NXPH1: variants seen among roughly 807,000 people sequenced by gnomAD.
NXPH1 encodes neurexophilin 1, also known as neurexophilin-1.
NXPH1 carries 5 observed loss-of-function variants against 23.7 expected under a neutral mutation model. That is an observed-to-expected ratio of 0.21 (90% CI 0.11 to 0.44). NXPH1 has a LOEUF of 0.44. Ranked by LOEUF, NXPH1 falls within the 20% of genes least tolerant of loss-of-function variation. The pLI, the probability that NXPH1 is intolerant of heterozygous loss-of-function variation, is 0.99. For synonymous variants in NXPH1, 144 were observed against 122.2 expected (o/e 1.18, Z -1.18); for missense variants, 324 against 321.6 (o/e 1.01, Z -0.06).
In NXPH1 at chr7:8,528,847, T is replaced by G. The variant is rs531008927; in HGVS notation, c.54+93080T>G. On this transcript the variant is annotated intron_variant, in intron 2 of 2. Transcript: ENST00000405863. ...TTTTCTATTGCTCTAATAACAAATTTCCACAAATTTAGCAGTTTAAAACAA... is the reference window on the plus strand; with the variant it reads ...TTTTCTATTGCTCTAATAACAAATTGCCACAAATTTAGCAGTTTAAAACAA... Among the ~76,000 whole-genome samples the G allele has an allele frequency of 3.3e-5, 5 of 152,336 alleles. No homozygotes were observed. The South Asian group carries it at 8.3e-4, about 25-fold the overall frequency.
intron 2 of NXPH1, among the ~76,000 whole-genome samples, chr7:8,621,362 T>G (rs1819865450): frequency 6.6e-6 from 1 of 152,176 alleles, no homozygotes. Flanking sequence ...CAAGATGGGT[T>G]GCAGCAGAGG....
At chr7:8,468,383 AT>A (rs1016755175) in intron 2 of NXPH1, among the ~76,000 whole-genome samples, 1 of 152,082 alleles carries the variant, frequency 6.6e-6, no homozygotes, top group African/African-American at 2.4e-5. Flanking sequence ...ATCTTGAAAA[AT>A]GTCTTCTTTG....
intron 2 of NXPH1, among the ~76,000 whole-genome samples, chr7:8,534,180 C>T (rs1276329368): frequency 6.6e-6 from 1 of 152,016 alleles, no homozygotes; most frequent in Non-Finnish European, 1.5e-5. Context: ...TTGTTTATCA[C>T]TTGACATAGT....
intron 2 of NXPH1, among the ~76,000 whole-genome samples, chr7:8,617,707 A>G (rs967230847): frequency 6.6e-6 from 1 of 152,172 alleles, no homozygotes; most frequent in Non-Finnish European, 1.5e-5. Flanking sequence ...AAATAGAAAG[A>G]ACAAATAAAA....
chr7:8,468,952 A>AT (rs1460612300), intron 2 of NXPH1, among the ~76,000 whole-genome samples: 1 of 152,118 alleles, frequency 6.6e-6, no homozygotes, highest in East Asian at 1.9e-4. Context: ...TTTATCTGTG[A>AT]TTTTGAGACC....
intron 2 of NXPH1, among the ~76,000 whole-genome samples, chr7:8,657,924 G>T (rs1183905126): frequency 6.6e-6 from 1 of 152,070 alleles, no homozygotes; most frequent in African/African-American, 2.4e-5. Context: ...GCTACTCGGG[G>T]GGCTGAAGTA....
intron 2 of NXPH1, among the ~76,000 whole-genome samples, chr7:8,458,806 G>A (rs1300908888): frequency 3.9e-5 from 6 of 152,190 alleles, no homozygotes; most frequent in African/African-American, 1.4e-4. Context: ...TAACTTCATA[G>A]AGTAGGAATT....
At chr7:8,490,928 C>G (rs1213457008) in intron 2 of NXPH1, among the ~76,000 whole-genome samples, 1 of 151,994 alleles carries the variant, frequency 6.6e-6, no homozygotes, top group Non-Finnish European at 1.5e-5. Context: ...TTACAAAATG[C>G]ATAAGAACAT....
intron 2 of NXPH1, among the ~76,000 whole-genome samples, chr7:8,669,308 CTG>C (rs1312283769): frequency 6.6e-6 from 1 of 151,902 alleles, no homozygotes; most frequent in African/African-American, 2.4e-5. Context: ...CCACCCAGCT[CTG>C]TGCTGGTCTG....
intron 2 of NXPH1, among the ~76,000 whole-genome samples, chr7:8,719,844 TA>T (rs140172921): frequency 3.3e-5 from 5 of 152,130 alleles, no homozygotes; most frequent in African/African-American, 1.2e-4. Context: ...AAAAATAAAA[TA>T]AAAAATACAA....
intron 2 of NXPH1, among the ~76,000 whole-genome samples, chr7:8,517,779 C>T (rs1258675733): frequency 6.6e-6 from 1 of 152,116 alleles, no homozygotes; most frequent in Admixed American, 6.6e-5. Context: ...TTTACAGAGG[C>T]AGTTCCTGGC....
intron 2 of NXPH1, among the ~76,000 whole-genome samples, chr7:8,689,732 T>G (rs1190380443): frequency 7.2e-5 from 11 of 152,118 alleles, no homozygotes; most frequent in Admixed American, 5.2e-4. Context: ...CTAATGCAAT[T>G]TATAGAAATT....
chr7:8,687,065 A>G (rs1490591383), intron 2 of NXPH1, among the ~76,000 whole-genome samples: 1 of 152,134 alleles, frequency 6.6e-6, no homozygotes, highest in Non-Finnish European at 1.5e-5. Flanking sequence ...TCTCAGTCTC[A>G]AAACAAGACA....
intron 2 of NXPH1, among the ~76,000 whole-genome samples, chr7:8,459,082 T>C (rs1044006400): frequency 6.6e-6 from 1 of 150,982 alleles, no homozygotes; most frequent in Non-Finnish European, 1.5e-5. Context: ...TTCATGATTT[T>C]TCCTTGATTT....
intron 2 of NXPH1, among the ~76,000 whole-genome samples, chr7:8,440,725 A>C (rs768291473): frequency 1.4e-5 from 2 of 139,208 alleles, no homozygotes; most frequent in Non-Finnish European, 3.1e-5. Flanking sequence ...CCAATAAGAA[A>C]TTTTCTGCCC....
chr7:8,678,989 C>A (rs1042067430), intron 2 of NXPH1, among the ~76,000 whole-genome samples: 8 of 114,964 alleles, frequency 7.0e-5, no homozygotes, highest in Non-Finnish European at 1.3e-4. Flanking sequence ...CGCTCTGTCA[C>A]CCAGGCTGAG....
intron 2 of NXPH1, among the ~76,000 whole-genome samples, chr7:8,527,001 C>T (rs1817871995): frequency 6.6e-6 from 1 of 152,088 alleles, no homozygotes; most frequent in South Asian, 2.1e-4. Context: ...GATAATATCT[C>T]ACCAGAAATT....
chr7:8,598,123 G>A (rs547386972), intron 2 of NXPH1, among the ~76,000 whole-genome samples: 1 of 152,258 alleles, frequency 6.6e-6, no homozygotes, highest in Admixed American at 6.6e-5. Context: ...TAGAGCATAT[G>A]TCATCCTCTC....
At chr7:8,466,602 G>A (rs968435167) in intron 2 of NXPH1, among the ~76,000 whole-genome samples, 4 of 151,998 alleles carry the variant, frequency 2.6e-5, no homozygotes, top group East Asian at 1.9e-4. Context: ...GTAAATTAAC[G>A]TATTCTTAGT....
Sources: allele counts gnomAD v4.1 joint callset (sites outside exome capture counted in the v4.1 genomes callset), GRCh38; gene constraint gnomAD v4.1.1; transcripts MANE v1.5; gene names NCBI Gene and HGNC (gene_info 2026-07-23, HGNC 2026-07-21).